IFT74: variants seen among roughly 807,000 people sequenced by gnomAD.
IFT74 encodes the protein intraflagellar transport 74.
A neutral mutation model predicts 96.7 loss-of-function variants in IFT74; 92 were observed. That is an observed-to-expected ratio of 0.95 (90% confidence interval 0.80 to 1.13). IFT74 has a LOEUF of 1.13. Among genes scored for constraint, IFT74 ranks in the 50% most tolerant of loss-of-function variants. The pLI is 0.00. For synonymous variants in IFT74, 223 were observed against 213.2 expected (o/e 1.05, Z -0.40); for missense variants, 811 against 698.2 (o/e 1.16, Z -1.82).
At chr9:27,010,226 T>G (rs1434272791) in intron 9 of IFT74, among the ~76,000 whole-genome samples, 1 of 151,878 alleles carries the variant, frequency 6.6e-6, no homozygotes, top group Non-Finnish European at 1.5e-5. Flanking sequence ...CCTGACCTCG[T>G]GATCCGCCTG....
At chr9:26,972,665 C>T (rs1000387384) in intron 2 of IFT74, among the ~76,000 whole-genome samples, 14 of 152,132 alleles carry the variant, frequency 9.2e-5, no homozygotes, top group African/African-American at 3.4e-4. Flanking sequence ...GAGTATGAGT[C>T]AATCCATACA....
intron 2 of IFT74, among the ~76,000 whole-genome samples, chr9:26,975,585 T>C (rs550267767): frequency 6.6e-6 from 1 of 152,328 alleles, no homozygotes; most frequent in South Asian, 2.1e-4. Context: ...TGGCTGTTTA[T>C]TTTTCCTGTC....
chr9:26,965,307 C>G (rs571850527), intron 2 of IFT74, among the ~76,000 whole-genome samples: 70 of 152,136 alleles, frequency 4.6e-4, no homozygotes, highest in Non-Finnish European at 8.8e-4. Flanking sequence ...AATACTCAAC[C>G]TCCTACAGTA....
At chr9:27,021,876 AG>A (rs951125878) in intron 12 of IFT74, among the ~76,000 whole-genome samples, 34 of 152,202 alleles carry the variant, frequency 2.2e-4, no homozygotes, top group African/African-American at 7.7e-4. Flanking sequence ...ATTTGCTTTT[AG>A]GTTCTTTCAG....
intron 7 of IFT74, 127 bp downstream of exon 7, chr9:26,988,855 T>C: frequency 3.4e-6 from 3 of 873,684 alleles, no homozygotes; most frequent in Non-Finnish European, 4.8e-6. Flanking sequence ...TGATTGTAAA[T>C]ACCACTATTA....
At chr9:27,017,153 T>C in intron 11 of IFT74, 103 bp downstream of exon 11, 1 of 820,928 alleles carries the variant, frequency 1.2e-6, no homozygotes, top group East Asian at 2.7e-5. Context: ...AGCTAGTAAG[T>C]GTATTGTCTA....
At position 27,055,677 on chromosome 9, in the gene IFT74, C is replaced by T. The variant is rs1227633946; in HGVS notation, c.1402C>T (p.His468Tyr). The change falls in exon 17 of 20, where the codon CAT becomes TAT. Residue 468 changes from histidine to tyrosine, a missense_variant. Coordinates refer to ENST00000380062, the MANE Select transcript of IFT74 (RefSeq NM_025103.4). ...LLESKMTEEQ[H>Y]SLKSKIKQMT... ...AGAAAGTAAGATGACTGAAGAACAG[C>T]ATTCTCTAAAAAGCAAAATTAAGCA... 1 of 1,592,502 alleles carries T rather than the reference C, an allele frequency of 6.3e-7. No homozygotes were observed. The highest frequency in any genetic ancestry group is 1.8e-5 in the Admixed American group (1 of 55,612).
intron 1 of IFT74, 22 bp downstream of exon 1, chr9:26,956,538 C>G (rs1587225173): frequency 6.6e-6 from 1 of 152,178 alleles, no homozygotes; most frequent in Admixed American, 6.5e-5. Context: ...CGGGTCCCAT[C>G]TCTTCCTCCC....
At chr9:27,042,177 A>G (rs890554814) in intron 13 of IFT74, among the ~76,000 whole-genome samples, 3 of 152,222 alleles carry the variant, frequency 2.0e-5, no homozygotes, top group Admixed American at 1.3e-4. Flanking sequence ...ATCAATATAT[A>G]TAGTAAGCAT....
upstream of IFT74, among the ~76,000 whole-genome samples, chr9:26,951,590 A>G (rs529303503): frequency 6.6e-6 from 1 of 152,192 alleles, no homozygotes; most frequent in Non-Finnish European, 1.5e-5. Flanking sequence ...TATATATAAG[A>G]AAAAAACCCA....
At chr9:26,990,451 T>C (rs924198436) in intron 8 of IFT74, among the ~76,000 whole-genome samples, 2 of 152,208 alleles carry the variant, frequency 1.3e-5, no homozygotes, top group Non-Finnish European at 2.9e-5. Flanking sequence ...TGAACACTTA[T>C]GATGGATAAG....
At chr9:26,963,407 C>T (rs113480455) in intron 2 of IFT74, among the ~76,000 whole-genome samples, 14,220 of 148,872 alleles carry the variant, frequency 0.096, 1,576 homozygotes, top group East Asian at 0.64. Flanking sequence ...TGAATAATGC[C>T]GCAATAAACA....
intron 19 of IFT74, among the ~76,000 whole-genome samples, chr9:27,061,590 C>A (rs1167534152): frequency 6.6e-6 from 1 of 151,384 alleles, no homozygotes; most frequent in Admixed American, 6.6e-5. Context: ...ATTGTATCAT[C>A]TCTAAAATCT....
rs543129868 is a variant in IFT74 at position 26,984,542 on chromosome 9, C to A, written c.448C>A (p.Leu150Ile). 2.5e-6 allele frequency: 4 copies of A among 1,611,354 alleles called. No individual in the cohort carries two copies. The South Asian group carries it at 4.4e-5, about 18-fold the overall frequency. The change falls in exon 6 of 20, where the codon CTA becomes ATA. Residue 150 changes from leucine (L) to isoleucine (I), a missense_variant. By Grantham distance (5) the Leu-to-Ile change is conservative. Transcript: ENST00000380062. ...TGAGATAAAAGAGCTTCAAGGACAA[C>A]TAGCAGACTACAACATGGTATTTTA... ...AVEIKELQGQ[L>I]ADYNMLVDKL...
intron 12 of IFT74, among the ~76,000 whole-genome samples, chr9:27,026,169 G>A (rs1425094470): frequency 2.0e-5 from 3 of 152,126 alleles, no homozygotes; most frequent in African/African-American, 7.2e-5. Context: ...GGTCCCAAAA[G>A]CAAGTAGGAG....
At chr9:26,947,249 C>T in intron 1 of IFT74, 1 of 571,604 alleles carries the variant, frequency 1.7e-6, no homozygotes, top group Non-Finnish European at 3.0e-6. Context: ...GCCTGACAGG[C>T]ACTCCGGAAT....
intron 10 of IFT74, among the ~76,000 whole-genome samples, chr9:27,016,309 T>C (rs1010041889): frequency 1.5e-4 from 23 of 152,230 alleles, no homozygotes; most frequent in Non-Finnish European, 3.2e-4. Context: ...GTGTCTCTGT[T>C]GTGTCTGTAC....
chr9:27,040,856 A>G (rs1819446146), intron 13 of IFT74, among the ~76,000 whole-genome samples: 1 of 152,196 alleles, frequency 6.6e-6, no homozygotes, highest in African/African-American at 2.4e-5. Flanking sequence ...ACTACTTCTC[A>G]GAGTATAAAA....
chr9:26,972,580 A>G (rs1464359057), intron 2 of IFT74, among the ~76,000 whole-genome samples: 1 of 152,196 alleles, frequency 6.6e-6, no homozygotes, highest in East Asian at 1.9e-4. Flanking sequence ...CAATCTGATG[A>G]ATTTTATCGA....
Sources: gnomAD v4.1 joint callset for allele counts (sites outside exome capture counted in the v4.1 genomes callset) on GRCh38, gnomAD v4.1.1 for gene constraint, MANE v1.5 for transcripts, NCBI Gene and HGNC (gene_info 2026-07-23, HGNC 2026-07-21) for gene names.